Variants in PRKCI observed in about 807,000 individuals in gnomAD.
PRKCI encodes the protein protein kinase C iota type.
Under a neutral mutation model 84.0 loss-of-function variants are expected in PRKCI, and 43 were observed. That is an observed-to-expected ratio of 0.51 (90% CI 0.40 to 0.66). PRKCI has a LOEUF of 0.66. Among genes scored for constraint, PRKCI ranks in the 30% least tolerant of loss-of-function variants. The pLI, the probability that PRKCI is intolerant of heterozygous loss-of-function variation, is 0.00. For missense variants in PRKCI, 459 were observed against 745.6 expected, an observed-to-expected ratio of 0.62 and a Z score of 4.48; for synonymous variants, 216 against 234.4, an observed-to-expected ratio of 0.92 and a Z score of 0.72.
At chr3:170,262,177 A>G (rs1375198184) in intron 3 of PRKCI, among the ~76,000 whole-genome samples, 1 of 152,190 alleles carries the variant, frequency 6.6e-6, no homozygotes, top group Non-Finnish European at 1.5e-5. Context: ...GGTTTTAATT[A>G]GTATATACAT....
chr3:170,270,406 A>T lies in PRKCI; in HGVS notation c.451-15A>T. ...CTTCTTGGTTAATAAAATATTGTTG[A>T]ATTACTCTTTTCAGCGTGCTCACTG... On this transcript the variant is annotated splice_polypyrimidine_tract_variant and intron_variant, in intron 5 of 17. Transcript: ENST00000295797. The T allele has an allele frequency of 2.5e-6, 4 of 1,585,384 alleles. No individual in the cohort carries two copies. Among genetic ancestry groups the T allele is most frequent in the African/African-American group, 1.3e-5 (1 of 74,528 alleles).
At chr3:170,294,126 C>T (rs1734638124) in intron 14 of PRKCI, among the ~76,000 whole-genome samples, 1 of 152,088 alleles carries the variant, frequency 6.6e-6, no homozygotes, top group African/African-American at 2.4e-5. Flanking sequence ...GAAAGGAATC[C>T]TGTGGCTAGA....
At chr3:170,231,284 T>C (rs1204223799) in intron 1 of PRKCI, among the ~76,000 whole-genome samples, 2 of 152,030 alleles carry the variant, frequency 1.3e-5, no homozygotes, top group Non-Finnish European at 2.9e-5. Context: ...TTTATAATCA[T>C]GTGCTTTTGT....
chr3:170,242,857 G>A (rs1444166278), intron 2 of PRKCI, among the ~76,000 whole-genome samples: 1 of 151,858 alleles, frequency 6.6e-6, no homozygotes, highest in African/African-American at 2.4e-5. Context: ...TTTTAGTAGA[G>A]ATGGGGTTTT....
chr3:170,281,675 A>G (rs1357616837), intron 10 of PRKCI: 2 of 536,910 alleles, frequency 3.7e-6, no homozygotes, highest in Admixed American at 7.9e-5. Context: ...TTTAGAACAG[A>G]AGTAGTAGGT....
At chr3:170,264,493 G>A (rs1036996855) in intron 4 of PRKCI, among the ~76,000 whole-genome samples, 4 of 152,024 alleles carry the variant, frequency 2.6e-5, no homozygotes, top group African/African-American at 7.2e-5. Flanking sequence ...TGGCCAGGCC[G>A]GTGTCGAACT....
intron 8 of PRKCI, among the ~76,000 whole-genome samples, chr3:170,279,273 C>T (rs1304604877): frequency 6.6e-6 from 1 of 152,174 alleles, no homozygotes; most frequent in East Asian, 1.9e-4. Context: ...TCAATCAGTC[C>T]ACCTGCTTCA....
intron 1 of PRKCI, among the ~76,000 whole-genome samples, chr3:170,227,625 G>C (rs1269149083): frequency 6.6e-6 from 1 of 152,164 alleles, no homozygotes; most frequent in African/African-American, 2.4e-5. Context: ...CACTTTGGCT[G>C]TTAGTCTCAT....
In PRKCI at chr3:170,270,702, C is replaced by T. The variant is rs375279931; in HGVS notation, c.591+141C>T. The T allele has an allele frequency of 1.0e-4, 112 of 1,079,532 alleles. No individual in the cohort carries two copies. The East Asian group carries it at 2.3e-3, about 22-fold the overall frequency. The allele number at this position is 1,079,532 out of a possible 1,614,324, so 66.9% of individuals were successfully genotyped here. Reference sequence around the variant, plus strand: ...ACAGAGTATGGGGAGGAATACCTTACGTTACTGTTAACACACCGTGAACTT... The same window carrying T: ...ACAGAGTATGGGGAGGAATACCTTATGTTACTGTTAACACACCGTGAACTT... On this transcript the variant is annotated intron_variant, in intron 6 of 17. Transcript: ENST00000295797.
intron 12 of PRKCI, among the ~76,000 whole-genome samples, chr3:170,291,423 A>G (rs928061204): frequency 6.6e-6 from 1 of 152,110 alleles, no homozygotes; most frequent in African/African-American, 2.4e-5. Context: ...GTTGCCAGGC[A>G]TGATGGCTCA....
At chr3:170,263,227 T>A in intron 3 of PRKCI, 152 bp from the exon 4 acceptor site, 2 of 549,004 alleles carry the variant, frequency 3.6e-6, no homozygotes, top group Non-Finnish European at 3.2e-6. Context: ...CTTTGGCAAA[T>A]AATATTGATC....
At chr3:170,275,341 A>G in intron 8 of PRKCI, 54 bp downstream of exon 8, 2 of 1,527,094 alleles carry the variant, frequency 1.3e-6, no homozygotes, top group South Asian at 1.3e-5. Context: ...AATAAGGCTC[A>G]GGAGTTTAAA....
chr3:170,261,458 T>TAA (rs200501315), intron 3 of PRKCI, among the ~76,000 whole-genome samples: 45 of 134,094 alleles, frequency 3.4e-4, no homozygotes, highest in African/African-American at 1.5e-3. Flanking sequence ...TGTTTTTTTT[T>TAA]TAAAAAAAAA....
At chr3:170,271,153 G>C (rs1283375079) in intron 6 of PRKCI, among the ~76,000 whole-genome samples, 1 of 152,084 alleles carries the variant, frequency 6.6e-6, no homozygotes, top group African/African-American at 2.4e-5. Flanking sequence ...CTTTTCCTGT[G>C]CAAATTTATA....
chr3:170,224,512 CT>C lies in PRKCI; in HGVS notation c.101+1746del, dbSNP rs373909827. On this transcript the variant is annotated intron_variant, in intron 1 of 17. Coordinates refer to ENST00000295797, the MANE Select transcript of PRKCI (RefSeq NM_002740.6). ...GATGAATGAGATGTTTCACTTTATT[CT>C]TTTATTTTATTTTTGTTTGTTTGTT... Among the ~76,000 whole-genome samples the C allele has an allele frequency of 3.7e-3, 560 of 150,470 alleles. 2 individuals carry two copies. The highest frequency in any genetic ancestry group is 0.013 in the African/African-American group (540 of 40,956).
In PRKCI at chr3:170,281,277, A is replaced by G. The variant is rs901887208; in HGVS notation, c.980+14A>G. ...GACAGAAAGCAGGTAAGATTGAAAG[A>G]TAGTAGAATGATTACTGGGCTTCAT... On this transcript the variant is annotated intron_variant, in intron 10 of 17. Transcript: ENST00000295797. 3.7e-6 allele frequency: 6 copies of G among 1,604,798 alleles called. No individual in the cohort carries two copies. Among genetic ancestry groups the G allele is most frequent in the Non-Finnish European group, 5.1e-6 (6 of 1,171,768 alleles).
intron 17 of PRKCI, among the ~76,000 whole-genome samples, chr3:170,301,541 C>T (rs909167427): frequency 2.0e-5 from 3 of 152,086 alleles, no homozygotes; most frequent in South Asian, 2.1e-4. Context: ...ATTCTGCTCA[C>T]GGTGTGTCCC....
intron 2 of PRKCI, among the ~76,000 whole-genome samples, chr3:170,240,425 G>A (rs1340871842): frequency 6.6e-6 from 1 of 151,978 alleles, no homozygotes; most frequent in Non-Finnish European, 1.5e-5. Flanking sequence ...AGTTTTCTGG[G>A]GAAAGCTATG....
At chr3:170,224,945 G>A (rs184591713) in intron 1 of PRKCI, among the ~76,000 whole-genome samples, 11 of 152,310 alleles carry the variant, frequency 7.2e-5, no homozygotes, top group Non-Finnish European at 1.5e-4. Context: ...AATAGGCCCA[G>A]TTAGTAAATG....
Sources: allele counts gnomAD v4.1 joint callset (sites outside exome capture counted in the v4.1 genomes callset), GRCh38; gene constraint gnomAD v4.1.1; transcripts MANE v1.5; gene names NCBI Gene and HGNC (gene_info 2026-07-23, HGNC 2026-07-21).